Variants in KLC3 observed in about 807,000 individuals in gnomAD.
KLC3 encodes kinesin light chain 2.
In KLC3, 72 loss-of-function variants were observed where a neutral mutation model predicts 62.9. The ratio of observed to expected loss-of-function variants is 1.15; its 90% confidence interval spans 0.95 to 1.39. The LOEUF is 1.39. Ranked by LOEUF, KLC3 falls within the 40% of genes most tolerant of loss-of-function variation. The pLI is 0.00. For missense variants in KLC3, 848 were observed against 691.6 expected (o/e 1.23, Z -2.54); for synonymous variants, 377 against 300.5 (o/e 1.25, Z -2.63).
In KLC3 at chr19:45,341,754, G is replaced by GAC. The variant is rs1398599396; in HGVS notation, c.-9+909_-9+910insCA. Among the ~76,000 whole-genome samples, 7 of 126,398 alleles carry GAC rather than the reference G, an allele frequency of 5.5e-5. 1 individual carries two copies. The highest frequency in any genetic ancestry group is 4.2e-4 in the Admixed American group (5 of 11,956). 82.9% of individuals were successfully genotyped at this position (126,398 alleles called of 152,430 possible). A position where few individuals can be genotyped will look rare whatever the true frequency, so the allele number is the denominator to read the frequency against. On this transcript the variant is annotated intron_variant, in intron 1 of 12. Coordinates refer to ENST00000391946, the MANE Select transcript of KLC3 (RefSeq NM_177417.3). ...CTTGGGGTTGGATGAGTGAGGTGTGGAGGTGTGTGAAGCCGTGTGTGCGTG... is the reference window on the plus strand; with the variant it reads ...CTTGGGGTTGGATGAGTGAGGTGTGGACAGGTGTGTGAAGCCGTGTGTGCGTG...
rs1249872617 is a variant in KLC3 at position 45,346,414 on chromosome 19, GTC to G, written c.259-126_259-125del. On this transcript the variant is annotated intron_variant, in intron 2 of 12. Transcript: ENST00000391946. ...AGGGCACTGGGGCCATGTTGGCAGA[GTC>G]TCTGCAGAATCTGGGGGTGTCGTGC... The G allele has an allele frequency of 1.7e-5, 14 of 810,426 alleles. No individual in the cohort carries two copies. The Admixed American group carries it at 1.8e-4, about 10-fold the overall frequency. 50.2% of individuals were successfully genotyped at this position (810,426 alleles called of 1,614,324 possible).
rs148540846 is a variant in KLC3, at chr19:45,344,196, G to GGT, written c.-8-1327_-8-1326dup. 5.4e-3 allele frequency among the ~76,000 whole-genome samples: 798 copies of GGT among 147,496 alleles called. 5 individuals are homozygous for GGT. Among genetic ancestry groups the GGT allele is most frequent in the African/African-American group, 0.019 (745 of 39,160 alleles). ...GTGTGTGTAACTGTATTTCTGGGAG[G>GGT]GTGTGTGTGTGTACCGTCTTTTTTT... is the stretch of plus-strand genomic sequence containing the variant. On this transcript the variant is annotated intron_variant, in intron 1 of 12. Transcript: ENST00000391946.
Position 45,347,997 on chromosome 19 carries a change from C to T in KLC3, c.616C>T (p.Arg206Cys), listed in dbSNP as rs201123181. 2.6e-5 allele frequency: 42 copies of T among 1,608,830 alleles called. No individual in the cohort carries two copies. Among genetic ancestry groups the T allele is most frequent in the African/African-American group, 1.2e-4 (9 of 74,922 alleles). ...AQQGGYEIPA[R>C]LRTLHNLVIQ... is the part of the protein sequence containing the mutation. The stretch of plus-strand genomic sequence containing the variant: ...GCAGGGTGGCTATGAGATCCCTGCC[C>T]GCCTTCGGACCCTGCATAACCTCGT... Residue 206 changes from arginine (R) to cysteine (C), a missense_variant, in exon 5 of 13, where the codon CGC (arginine) becomes TGC (cysteine). By Grantham distance (180) the Arg-to-Cys change is radical. Transcript: ENST00000391946.
In KLC3 at chr19:45,348,058, C is replaced by T. The variant is rs369849969; in HGVS notation, c.677C>T (p.Ala226Val). The T allele has an allele frequency of 4.1e-5, 65 of 1,602,892 alleles. No homozygotes were observed. Among genetic ancestry groups the T allele is most frequent in the Admixed American group, 1.7e-4 (10 of 58,328 alleles). ...QYAGQGRYEV[A>V]VPLCRQALED... is the part of the protein sequence containing the mutation. ...GCGGGGCAGGGCCGCTATGAGGTGG[C>T]GGTGCCTCTGTGCCGCCAGGCCTTG... The change falls in exon 5 of 13, where the codon GCG (alanine) becomes GTG (valine). Residue 226 changes from alanine to valine, a missense_variant. Coordinates refer to ENST00000391946, the MANE Select transcript of KLC3 (RefSeq NM_177417.3).
At chr19:45,343,251 G>T (rs1971426394) in intron 1 of KLC3, among the ~76,000 whole-genome samples, 1 of 152,184 alleles carries the variant, frequency 6.6e-6, no homozygotes, top group Non-Finnish European at 1.5e-5. Flanking sequence ...AGTGCAAGGA[G>T]ATGGTCTGAA....
intron 1 of KLC3, among the ~76,000 whole-genome samples, chr19:45,342,552 G>A (rs1162506660): frequency 1.3e-5 from 2 of 152,158 alleles, no homozygotes; most frequent in Admixed American, 1.3e-4. Flanking sequence ...GATCATTTGA[G>A]GTCAGGAGTT....
In KLC3 at chr19:45,351,373, G is replaced by C. The variant is rs139821350; in HGVS notation, c.*16G>C. On this transcript the variant is annotated 3_prime_UTR_variant, in exon 13 of 13. Coordinates refer to ENST00000391946, the MANE Select transcript of KLC3 (RefSeq NM_177417.3). ...CCCCCACTAACGTCCAGTGAACTGC[G>C]CTGGCCGCAGCTTCTTGGGAACAGT... 2 of 1,608,348 alleles carry C rather than the reference G, an allele frequency of 1.2e-6. No homozygotes were observed. Among genetic ancestry groups the C allele is most frequent in the Admixed American group, 3.3e-5 (2 of 60,000 alleles).
chr19:45,348,883 G>A lies in KLC3; in HGVS notation c.931G>A (p.Glu311Lys), dbSNP rs1473365406. 12 of 1,588,270 alleles carry A rather than the reference G, an allele frequency of 7.6e-6. No homozygotes were observed. In the East Asian group the frequency reaches 1.1e-4, roughly 15 times the overall value. ...GAAGCGTGGGCGTTACCGGGAGGCAGAGCCCCTGTGCCAGCGCGCTTTGGA... is the reference window on the plus strand; with the variant it reads ...GAAGCGTGGGCGTTACCGGGAGGCAAAGCCCCTGTGCCAGCGCGCTTTGGA... ...YGKRGRYREA[E>K]PLCQRALEIR... The change falls in exon 7 of 13, where the codon GAG becomes AAG. Residue 311 changes from glutamate to lysine, a missense_variant. Glu to Lys is a moderately conservative substitution (Grantham distance 56, BLOSUM62 1). Transcript: ENST00000391946.
chr19:45,349,193 A>AC (rs1216644509), intron 7 of KLC3, among the ~76,000 whole-genome samples: 1 of 151,688 alleles, frequency 6.6e-6, no homozygotes, highest in Non-Finnish European at 1.5e-5. Context: ...GGCCACCAGC[A>AC]CAAGCCCAAC....
Position 45,345,537 on chromosome 19 carries a change from C to T in KLC3, c.-5C>T, listed in dbSNP as rs1971468853. The T allele has an allele frequency of 6.4e-7, 1 of 1,562,152 alleles. No individual in the cohort carries two copies. Among genetic ancestry groups the T allele is most frequent in the Non-Finnish European group, 8.7e-7 (1 of 1,153,768 alleles). ...ACCCCTCACCATTGCTCCCCAGGAG[C>T]AGCAATGTCTGTGCAGGTAGCGGCT... On this transcript the variant is annotated 5_prime_UTR_variant, in exon 2 of 13. Transcript: ENST00000391946.
Position 45,349,598 on chromosome 19 carries a change from A to G in KLC3, c.1139A>G (p.Asn380Ser), listed in dbSNP as rs1971610215. 1 of 1,600,466 alleles carries G rather than the reference A, an allele frequency of 6.2e-7. No homozygotes were observed. The highest frequency in any genetic ancestry group is 8.5e-7 in the Non-Finnish European group (1 of 1,171,624). Reference sequence around the variant, plus strand: ...CCCAACGTGGCCAAGACCAAGAACAACCTGGTGAGGCCCCTGGGGCTCAGA... The same window carrying G: ...CCCAACGTGGCCAAGACCAAGAACAGCCTGGTGAGGCCCCTGGGGCTCAGA... ...HDPNVAKTKN[N>S]LASAYLKQNK... Residue 380 changes from asparagine (N) to serine (S), a missense_variant, in exon 8 of 13, where the codon AAC becomes AGC. Transcript: ENST00000391946.
chr19:45,342,908 G>C (rs1971420956), intron 1 of KLC3, among the ~76,000 whole-genome samples: 1 of 152,218 alleles, frequency 6.6e-6, no homozygotes, highest in African/African-American at 2.4e-5. Context: ...ATGTGATCGT[G>C]CATGTACAAC....
At chr19:45,349,704 GGC>G in intron 8 of KLC3, 102 bp downstream of exon 8, 1 of 815,812 alleles carries the variant, frequency 1.2e-6, no homozygotes, top group Non-Finnish European at 1.8e-6. Flanking sequence ...GGTGGGGGGG[GGC>G]CCCCCAGGCC....
At chr19:45,348,435 G>A (rs1172606645) in intron 5 of KLC3, among the ~76,000 whole-genome samples, 6 of 152,166 alleles carry the variant, frequency 3.9e-5, no homozygotes, top group Non-Finnish European at 7.4e-5. Context: ...GACCTGGGGT[G>A]GCTAGAAGCT....
chr19:45,343,522 C>G (rs1971430983), intron 1 of KLC3, among the ~76,000 whole-genome samples: 1 of 151,890 alleles, frequency 6.6e-6, no homozygotes, highest in Non-Finnish European at 1.5e-5. Flanking sequence ...TTTAGTAGAG[C>G]CGGGGTTTCA....
At position 45,345,797 on chromosome 19, in the gene KLC3, C is replaced by CAGGT. The variant is rs1971477312; in HGVS notation, c.258_258+3dup. 1.3e-6 allele frequency: 2 copies of CAGGT among 1,545,264 alleles called. No homozygotes were observed. Among genetic ancestry groups the CAGGT allele is most frequent in the South Asian group, 2.4e-5 (2 of 83,342 alleles). ...CATCGAGCTGGGGCTGGGCGAGGCC[C>CAGGT]AGGTATGAGGGGGCCAGGTGGGGAG... On this transcript the variant is annotated frameshift_variant and splice_region_variant, in exon 2 of 13. Coordinates refer to ENST00000391946, the MANE Select transcript of KLC3 (RefSeq NM_177417.3). LOFTEE classifies it high-confidence loss of function.
At chr19:45,350,798 G>GGCCCCC in intron 11 of KLC3, 51 bp downstream of exon 11, 2 of 1,434,606 alleles carry the variant, frequency 1.4e-6, no homozygotes, top group East Asian at 2.4e-5. Flanking sequence ...AGAATCCACA[G>GGCCCCC]CCCACCCCAC....
chr19:45,349,657 G>A, intron 8 of KLC3, 55 bp downstream of exon 8: 2 of 1,432,056 alleles, frequency 1.4e-6, no homozygotes, highest in South Asian at 2.7e-5. Context: ...GCCCTGGGGA[G>A]GCACCCATTG....
At chr19:45,349,712 AGG>A in intron 8 of KLC3, 110 bp downstream of exon 8, 1 of 1,076,874 alleles carries the variant, frequency 9.3e-7, no homozygotes, top group Non-Finnish European at 1.3e-6. Flanking sequence ...GGGGCCCCCC[AGG>A]CCGGGCCCTT....
Sources: gnomAD v4.1 joint callset for allele counts (sites outside exome capture counted in the v4.1 genomes callset) on GRCh38, gnomAD v4.1.1 for gene constraint, MANE v1.5 for transcripts, NCBI Gene and HGNC (gene_info 2026-07-23, HGNC 2026-07-21) for gene names.